SNX29: variants seen among roughly 807,000 people sequenced by gnomAD.
SNX29 encodes the protein sorting nexin-29.
In SNX29, 78 loss-of-function variants were observed where a neutral mutation model predicts 102.1. That is an observed-to-expected ratio of 0.76 (90% CI 0.64 to 0.92). The LOEUF is 0.92. Ranked by LOEUF, SNX29 falls within the 40% of genes least tolerant of loss-of-function variation. The pLI is 0.00. For synonymous variants in SNX29, 580 were observed against 414.5 expected, an observed-to-expected ratio of 1.40 and a Z score of -4.85; for missense variants, 1,280 against 1,061.7, an observed-to-expected ratio of 1.21 and a Z score of -2.86.
At chr16:12,013,282 A>G (rs571907769) in intron 3 of SNX29, among the ~76,000 whole-genome samples, 62 of 151,402 alleles carry the variant, frequency 4.1e-4, no homozygotes, top group South Asian at 1.9e-3. Flanking sequence ...GGAAATGCAA[A>G]TTAAAGCAAC....
chr16:12,215,754 C>T (rs1044824567), intron 14 of SNX29, among the ~76,000 whole-genome samples: 11 of 152,202 alleles, frequency 7.2e-5, no homozygotes, highest in African/African-American at 1.2e-4. Context: ...ATTTTGTCCT[C>T]GTAATCTCAC....
chr16:12,267,756 T>C (rs2078970961), intron 14 of SNX29, among the ~76,000 whole-genome samples: 1 of 152,202 alleles, frequency 6.6e-6, no homozygotes, highest in African/African-American at 2.4e-5. Flanking sequence ...AGCTGTTTAC[T>C]CCCTGGCTTC....
intron 18 of SNX29, among the ~76,000 whole-genome samples, chr16:12,463,832 G>GTA (rs1046787980): frequency 5.3e-5 from 8 of 150,968 alleles, no homozygotes; most frequent in African/African-American, 1.7e-4. Context: ...GTGTGTGTGT[G>GTA]TGTGTGTGTG....
chr16:12,199,634 A>C lies in SNX29; in HGVS notation c.1629A>C (p.Lys543Asn), dbSNP rs934538517. ...AGGTGCTCAAAGTCCAACTGAAGAAATATGTAGGAGCTGTCCAGATGCTGA... is the reference window on the plus strand; with the variant it reads ...AGGTGCTCAAAGTCCAACTGAAGAACTATGTAGGAGCTGTCCAGATGCTGA... ...ENEVLKVQLK[K>N]YVGAVQMLKR... Residue 543 changes from lysine (K) to asparagine (N), a missense_variant, in exon 14 of 21, where the codon AAA (lysine) becomes AAC (asparagine). Physicochemically the swap from Lys to Asn is moderately conservative, Grantham distance 94. Coordinates refer to ENST00000566228, the MANE Select transcript of SNX29 (RefSeq NM_032167.5). 1.9e-6 allele frequency: 3 copies of C among 1,613,320 alleles called. No homozygotes were observed. The highest frequency in any genetic ancestry group is 2.5e-6 in the Non-Finnish European group (3 of 1,179,576).
intron 15 of SNX29, among the ~76,000 whole-genome samples, chr16:12,299,990 C>T (rs1483633133): frequency 1.4e-5 from 2 of 142,808 alleles, no homozygotes; most frequent in Admixed American, 1.5e-4. Flanking sequence ...CCTGCCTCAG[C>T]CTCCTGAGTA....
At chr16:12,042,478 C>T (rs577779874) in intron 4 of SNX29, among the ~76,000 whole-genome samples, 1 of 152,248 alleles carries the variant, frequency 6.6e-6, no homozygotes, top group East Asian at 1.9e-4. Flanking sequence ...TGCTCTCCTC[C>T]CTCTCTACTC....
At chr16:12,455,038 A>G (rs1597438078) in intron 18 of SNX29, among the ~76,000 whole-genome samples, 1 of 152,160 alleles carries the variant, frequency 6.6e-6, no homozygotes, top group African/African-American at 2.4e-5. Flanking sequence ...ATGAGCCATC[A>G]CGCCTGGCCC....
intron 16 of SNX29, among the ~76,000 whole-genome samples, chr16:12,381,352 C>T (rs1421453352): frequency 1.4e-4 from 12 of 87,172 alleles, no homozygotes; most frequent in African/African-American, 4.4e-4. Flanking sequence ...AACCCATCAT[C>T]CAGCCACCCA....
At chr16:12,472,885 C>A (rs1022513722) in intron 18 of SNX29, among the ~76,000 whole-genome samples, 1 of 152,132 alleles carries the variant, frequency 6.6e-6, no homozygotes, top group African/African-American at 2.4e-5. Flanking sequence ...GGGTTTGCCC[C>A]GATGCCCGAT....
chr16:12,132,353 G>A (rs2054500689), intron 13 of SNX29, among the ~76,000 whole-genome samples: 1 of 152,204 alleles, frequency 6.6e-6, no homozygotes. Flanking sequence ...TCCTGCCTCA[G>A]CCTTCCAAAG....
chr16:12,019,422 G>A (rs2151087699), intron 3 of SNX29, among the ~76,000 whole-genome samples: 1 of 152,024 alleles, frequency 6.6e-6, no homozygotes, highest in East Asian at 1.9e-4. Context: ...AGCCAGAATG[G>A]TCTTGATCTC....
intron 16 of SNX29, chr16:12,375,125 C>T (rs143917690): frequency 6.6e-6 from 1 of 152,166 alleles, no homozygotes; most frequent in East Asian, 1.9e-4. Context: ...TAGCAAGAAT[C>T]CTGGTGGTGC....
At chr16:12,326,038 T>G (rs898532699) in intron 15 of SNX29, among the ~76,000 whole-genome samples, 3 of 151,822 alleles carry the variant, frequency 2.0e-5, no homozygotes, top group African/African-American at 7.2e-5. Flanking sequence ...TTTTTTCTTG[T>G]TTTTTGAGAT....
intron 15 of SNX29, among the ~76,000 whole-genome samples, chr16:12,347,555 G>C (rs187581950): frequency 4.7e-4 from 71 of 152,206 alleles, no homozygotes; most frequent in African/African-American, 1.6e-3. Context: ...CTGAGCCTCA[G>C]TTTTCCTTAT....
intron 20 of SNX29, among the ~76,000 whole-genome samples, chr16:12,563,630 G>C (rs1055794388): frequency 1.2e-4 from 18 of 152,000 alleles, no homozygotes; most frequent in African/African-American, 4.4e-4. Context: ...AGACTGTCCT[G>C]GCCCCAGAAG....
chr16:12,500,002 A>AT (rs1204900903), intron 19 of SNX29, among the ~76,000 whole-genome samples: 2 of 151,542 alleles, frequency 1.3e-5, no homozygotes, highest in African/African-American at 4.9e-5. Flanking sequence ...TTAATTTTAA[A>AT]TTTTTTACAG....
intron 14 of SNX29, among the ~76,000 whole-genome samples, chr16:12,232,128 A>G (rs1038548534): frequency 6.6e-6 from 1 of 152,200 alleles, no homozygotes; most frequent in Non-Finnish European, 1.5e-5. Context: ...TGGACAGCCC[A>G]TATTTTGAGG....
chr16:12,066,802 G>C (rs1221538095), intron 9 of SNX29, among the ~76,000 whole-genome samples: 1 of 151,774 alleles, frequency 6.6e-6, no homozygotes, highest in Non-Finnish European at 1.5e-5. Context: ...CCAGGTGGGA[G>C]GATGAATGCC....
At position 11,999,298 on chromosome 16, in the gene SNX29, A is replaced by T; in HGVS notation, c.9A>T (p.Gly3=). The T allele has an allele frequency of 6.2e-7, 1 of 1,614,108 alleles. No homozygotes were observed. Among genetic ancestry groups the T allele is most frequent in the Non-Finnish European group, 8.5e-7 (1 of 1,179,970 alleles). The change falls in exon 2 of 21, where the codon GGA becomes GGT. Residue 3 remains glycine (G), a splice_region_variant and synonymous_variant. Coordinates refer to ENST00000566228, the MANE Select transcript of SNX29 (RefSeq NM_032167.5). The part of the protein sequence containing the change: MS[G]SQNNDKRQFL... The stretch of plus-strand genomic sequence containing the variant: ...TAATTAAGCCTCATTGCATTTTAGG[A>T]TCACAGAACAATGACAAAAGACAAT...
Sources: allele counts gnomAD v4.1 joint callset (sites outside exome capture counted in the v4.1 genomes callset), GRCh38; gene constraint gnomAD v4.1.1; transcripts MANE v1.5; gene names NCBI Gene and HGNC (gene_info 2026-07-23, HGNC 2026-07-21).